WDR25: variants seen among roughly 807,000 people sequenced by gnomAD.
WDR25 encodes WD repeat-containing protein 25.
A neutral mutation model predicts 47.7 loss-of-function variants in WDR25; 35 were observed. The observed-to-expected ratio is 0.73, with a 90% CI of 0.56 to 0.97. The LOEUF (loss-of-function observed/expected upper bound fraction) is 0.97. WDR25 is among the 50% of genes least tolerant of loss of function. WDR25 has a pLI of 0.00. For synonymous variants in WDR25, 248 were observed against 278.9 expected, an observed-to-expected ratio of 0.89 and a Z score of 1.10; for missense variants, 634 against 704.7, an observed-to-expected ratio of 0.90 and a Z score of 1.14.
chr14:100,384,191 T>G (rs1438066442), intron 2 of WDR25, among the ~76,000 whole-genome samples: 1 of 152,254 alleles, frequency 6.6e-6, no homozygotes, highest in Non-Finnish European at 1.5e-5. Flanking sequence ...GCTGCTAGGG[T>G]TGGCATCTCC....
intron 2 of WDR25, among the ~76,000 whole-genome samples, chr14:100,431,710 C>A (rs1429697430): frequency 6.9e-6 from 1 of 144,420 alleles, no homozygotes; most frequent in African/African-American, 2.7e-5. Context: ...CCATGCCCAA[C>A]TAATTTTTTT....
intron 2 of WDR25, among the ~76,000 whole-genome samples, chr14:100,462,265 C>T (rs567510941): frequency 9.9e-5 from 15 of 152,238 alleles, no homozygotes; most frequent in Non-Finnish European, 1.8e-4. Context: ...TTACTTTTGT[C>T]GGACACAAAG....
chr14:100,479,312 G>C (rs967037075), intron 3 of WDR25, among the ~76,000 whole-genome samples: 11 of 152,084 alleles, frequency 7.2e-5, no homozygotes, highest in African/African-American at 2.7e-4. Context: ...GTCATATCAC[G>C]GTTGGTTTCT....
chr14:100,473,229 T>A (rs1047250183), intron 3 of WDR25, among the ~76,000 whole-genome samples: 1 of 151,866 alleles, frequency 6.6e-6, no homozygotes. Flanking sequence ...AATGAGTGAG[T>A]GGATGGTAGA....
chr14:100,452,840 AT>A (rs1429392676), intron 2 of WDR25, among the ~76,000 whole-genome samples: 1 of 152,182 alleles, frequency 6.6e-6, no homozygotes, highest in African/African-American at 2.4e-5. Flanking sequence ...TATACATAAA[AT>A]GTACCATCTT....
intron 4 of WDR25, among the ~76,000 whole-genome samples, chr14:100,512,034 G>A (rs1412491190): frequency 2.0e-5 from 3 of 152,048 alleles, no homozygotes; most frequent in Non-Finnish European, 2.9e-5. Flanking sequence ...TTGCATCTAT[G>A]TTTATGAGGG....
At position 100,428,505 on chromosome 14, in the gene WDR25, G is replaced by T. The variant is rs1014087082; in HGVS notation, c.823-39516G>T. 2.0e-5 allele frequency among the ~76,000 whole-genome samples: 3 copies of T among 152,186 alleles called. No homozygotes were observed. Among genetic ancestry groups the T allele is most frequent in the African/African-American group, 7.2e-5 (3 of 41,438 alleles). ...GGGGGACAGTGCCTGAGCGCCGGGGGCTGCACATGGTGCCTGTCTCTCTGC... is the reference window on the plus strand; with the variant it reads ...GGGGGACAGTGCCTGAGCGCCGGGGTCTGCACATGGTGCCTGTCTCTCTGC... On this transcript the variant is annotated intron_variant, in intron 2 of 6. Coordinates refer to ENST00000402312, the MANE Select transcript of WDR25 (RefSeq NM_001161476.3). This position sits in a 1 kb window ranked among gnomAD's most constrained non-coding sequence, Gnocchi z 4.3.
chr14:100,465,821 C>T (rs1250504413), intron 2 of WDR25, among the ~76,000 whole-genome samples: 2 of 152,184 alleles, frequency 1.3e-5, no homozygotes, highest in African/African-American at 2.4e-5. Context: ...GACATGCCCA[C>T]CAGCAGTGGA....
chr14:100,463,128 T>C lies in WDR25; in HGVS notation c.823-4893T>C, dbSNP rs140247714. ...TCCTCCCTTTCCGTTTCCCATCCTG[T>C]GTTTCTTTTTTCTCTCCTCTCCCCA... is the stretch of plus-strand genomic sequence containing the variant. On this transcript the variant is annotated intron_variant, in intron 2 of 6. Transcript: ENST00000402312. Among the ~76,000 whole-genome samples, 44 of 146,530 alleles carry C rather than the reference T, an allele frequency of 3.0e-4. 1 individual carries two copies. The East Asian group carries it at 7.6e-3, about 25-fold the overall frequency.
intron 4 of WDR25, among the ~76,000 whole-genome samples, chr14:100,517,495 C>G (rs868169569): frequency 1.3e-5 from 2 of 151,938 alleles, no homozygotes; most frequent in Admixed American, 6.6e-5. Flanking sequence ...ATATACATGC[C>G]TAATTTTTCA....
intron 1 of WDR25, among the ~76,000 whole-genome samples, chr14:100,379,776 CTG>C (rs1355204151): frequency 1.3e-5 from 2 of 151,748 alleles, no homozygotes; most frequent in Non-Finnish European, 2.9e-5. Flanking sequence ...GAGTCTCACT[CTG>C]TCACCCAGTC....
At position 100,425,210 on chromosome 14, in the gene WDR25, G is replaced by GAA. The variant is rs1898133758; in HGVS notation, c.823-42811_823-42810insAA. Among the ~76,000 whole-genome samples the GAA allele has an allele frequency of 6.6e-6, 1 of 152,160 alleles. No individual in the cohort carries two copies. The highest frequency in any genetic ancestry group is 2.4e-5 in the African/African-American group (1 of 41,440). On this transcript the variant is annotated intron_variant, in intron 2 of 6. Transcript: ENST00000402312. The surrounding 1 kb of genome is among the most constrained non-coding windows in gnomAD (Gnocchi z 4.8). Reference sequence around the variant, plus strand: ...TTCCTCTTCCTTGATGTGGGTCCTGGGTCCTTGGAGGCTGGTTGTGTCAGC... The same window carrying GAA: ...TTCCTCTTCCTTGATGTGGGTCCTGGAAGTCCTTGGAGGCTGGTTGTGTCAGC...
chr14:100,385,315 T>C (rs888524429), intron 2 of WDR25, among the ~76,000 whole-genome samples: 6 of 152,214 alleles, frequency 3.9e-5, no homozygotes, highest in Non-Finnish European at 5.9e-5. Context: ...ATAAATCATA[T>C]TCGCCACTAG....
intron 4 of WDR25, among the ~76,000 whole-genome samples, chr14:100,490,313 A>C (rs1301726127): frequency 6.6e-6 from 1 of 152,258 alleles, no homozygotes; most frequent in Non-Finnish European, 1.5e-5. Flanking sequence ...GGAAGGGCGC[A>C]AACTGTCGCA....
chr14:100,471,526 A>T (rs988903181), intron 3 of WDR25, among the ~76,000 whole-genome samples: 4 of 152,020 alleles, frequency 2.6e-5, no homozygotes, highest in African/African-American at 9.7e-5. Flanking sequence ...GCTGAGTCTG[A>T]TCTCCCTTTC....
intron 2 of WDR25, among the ~76,000 whole-genome samples, chr14:100,467,156 A>C (rs868865500): frequency 2.6e-5 from 4 of 152,236 alleles, no homozygotes; most frequent in Non-Finnish European, 5.9e-5. Flanking sequence ...CCCCTACGGC[A>C]GATATTTGTA....
Position 100,488,801 on chromosome 14 carries a change from C to G in WDR25, c.1101+4677C>G, listed in dbSNP as rs1900468878. ...CTTATCCTCAATTAGCCTGCACCAT[C>G]TGTGACCTATCTCAGGGACAACGAT... On this transcript the variant is annotated intron_variant, in intron 4 of 6. Coordinates refer to ENST00000402312, the MANE Select transcript of WDR25 (RefSeq NM_001161476.3). The surrounding 1 kb of genome is among the most constrained non-coding windows in gnomAD (Gnocchi z 4.2). Among the ~76,000 whole-genome samples, 1 of 152,226 alleles carries G rather than the reference C, an allele frequency of 6.6e-6. No individual in the cohort carries two copies. The highest frequency in any genetic ancestry group is 2.1e-4 in the South Asian group (1 of 4,834).
In WDR25 at chr14:100,499,167, C is replaced by T. The variant is rs1900832428; in HGVS notation, c.1101+15043C>T. Among the ~76,000 whole-genome samples the T allele has an allele frequency of 6.6e-6, 1 of 152,192 alleles. No individual in the cohort carries two copies. Among genetic ancestry groups the T allele is most frequent in the Non-Finnish European group, 1.5e-5 (1 of 68,030 alleles). On this transcript the variant is annotated intron_variant, in intron 4 of 6. Coordinates refer to ENST00000402312, the MANE Select transcript of WDR25 (RefSeq NM_001161476.3). This position sits in a 1 kb window ranked among gnomAD's most constrained non-coding sequence, Gnocchi z 4.4. ...CCATTAAACTTCAACCCAGCCATAA[C>T]CACCACTGACAGTTGGTATCCTTCA...
At chr14:100,415,819 C>T (rs1054270694) in intron 2 of WDR25, among the ~76,000 whole-genome samples, 2 of 152,174 alleles carry the variant, frequency 1.3e-5, no homozygotes, top group South Asian at 2.1e-4. Flanking sequence ...GATCTCATGC[C>T]TTCTGCTAGT....
Sources: gnomAD v4.1 joint callset for allele counts (sites outside exome capture counted in the v4.1 genomes callset) on GRCh38, gnomAD v4.1.1 for gene constraint, Gnocchi (gnomAD v3.1) non-coding constraint, MANE v1.5 for transcripts, NCBI Gene and HGNC (gene_info 2026-07-23, HGNC 2026-07-21) for gene names.